FAM204A: variants seen among roughly 807,000 people sequenced by gnomAD.
The protein encoded by FAM204A is protein FAM204A.
In FAM204A, 16 loss-of-function variants were observed where a neutral mutation model predicts 35.4. That is an observed-to-expected ratio of 0.45 (90% confidence interval 0.31 to 0.69). The LOEUF (loss-of-function observed/expected upper bound fraction) is 0.69. FAM204A is among the 30% of genes least tolerant of loss of function. The pLI, the probability that FAM204A is intolerant of heterozygous loss-of-function variation, is 0.07. For synonymous variants in FAM204A, 76 were observed against 86.9 expected (o/e 0.88, Z 0.70); for missense variants, 240 against 265.7 (o/e 0.90, Z 0.67).
Position 118,321,724 on chromosome 10 carries a change from C to CAAAAA in FAM204A, c.543+4425_543+4429dup, listed in dbSNP as rs200200755. Among the ~76,000 whole-genome samples the CAAAAA allele has an allele frequency of 5.8e-3, 505 of 87,138 alleles. 1 individual carries two copies. The highest frequency in any genetic ancestry group is 0.012 in the East Asian group (30 of 2,506). 57.2% of individuals were successfully genotyped at this position (87,138 alleles called of 152,430 possible). On this transcript the variant is annotated intron_variant, in intron 7 of 8. Coordinates refer to ENST00000369183, the MANE Select transcript of FAM204A (RefSeq NM_022063.3). ...TTTCTAAAACTGCAGTATGACAAAG[C>CAAAAA]AAAAAAAAAAAAAAAAAAAAGAATC...
chr10:118,314,232 C>T (rs1333770565), intron 7 of FAM204A, among the ~76,000 whole-genome samples: 3 of 152,082 alleles, frequency 2.0e-5, no homozygotes, highest in Non-Finnish European at 4.4e-5. Context: ...AGACCTGATC[C>T]TATAAAAGGT....
In FAM204A at chr10:118,311,307, C is replaced by T. The variant is rs1845948394; in HGVS notation, c.550G>A (p.Val184Ile). The change falls in exon 8 of 9, where the codon GTA becomes ATA. Residue 184 changes from valine to isoleucine, a missense_variant. Around this residue, in one of 2 missense-constraint regions of FAM204A, gnomAD observed 232 missense variants for 242.8 expected, o/e 0.96. Coordinates refer to ENST00000369183, the MANE Select transcript of FAM204A (RefSeq NM_022063.3). Reference protein sequence around the residue: ...SNQLATRELGVKIAKAVACHN... With the variant: ...SNQLATRELGIKIAKAVACHN... ...CAGGCAACTGCTTTGGCAATTTTTA[C>T]ACCAAGCTAAGAATTACAAAGGAGA... 1.3e-6 allele frequency: 2 copies of T among 1,591,720 alleles called. No homozygotes were observed. The highest frequency in any genetic ancestry group is 8.5e-7 in the Non-Finnish European group (1 of 1,173,638).
intron 8 of FAM204A, 50 bp from the exon 9 acceptor site, chr10:118,310,958 A>G (rs201836979): frequency 6.7e-7 from 1 of 1,482,168 alleles, no homozygotes; most frequent in Admixed American, 2.2e-5. Flanking sequence ...AAAAAAAAAT[A>G]CTTTGCTGAA....
At chr10:118,310,960 T>C in intron 8 of FAM204A, 52 bp from the exon 9 acceptor site, 1 of 1,470,272 alleles carries the variant, frequency 6.8e-7, no homozygotes, top group Non-Finnish European at 9.3e-7. Flanking sequence ...AAAAAAATAC[T>C]TTGCTGAACA....
chr10:118,305,568 T>C lies in FAM204A; in HGVS notation c.*5289A>G, dbSNP rs1845853969. The C allele has an allele frequency of 1.3e-5, 2 of 152,224 alleles. No homozygotes were observed. The highest frequency in any genetic ancestry group is 4.1e-4 in the South Asian group (2 of 4,830). 9.4% of individuals were successfully genotyped at this position (152,224 alleles called of 1,614,324 possible). On this transcript the variant is annotated 3_prime_UTR_variant, in exon 9 of 9. Coordinates refer to ENST00000369183, the MANE Select transcript of FAM204A (RefSeq NM_022063.3). Reference sequence around the variant, plus strand: ...GAAATTCAGCAACCTGTACAGTAAGTATATACTCAGGTAACTAAAATTTTT... The same window carrying C: ...GAAATTCAGCAACCTGTACAGTAAGCATATACTCAGGTAACTAAAATTTTT...
At chr10:118,325,211 A>G (rs1846179432) in intron 7 of FAM204A, among the ~76,000 whole-genome samples, 1 of 152,174 alleles carries the variant, frequency 6.6e-6, no homozygotes, top group African/African-American at 2.4e-5. Flanking sequence ...CACAACAAAC[A>G]TCCATCCACA....
chr10:118,319,508 C>T (rs900799677), intron 7 of FAM204A, among the ~76,000 whole-genome samples: 3 of 151,910 alleles, frequency 2.0e-5, no homozygotes, highest in African/African-American at 7.2e-5. Flanking sequence ...ACAACACTTA[C>T]ATCTATAAAG....
At position 118,335,208 on chromosome 10, in the gene FAM204A, G is replaced by T. The variant is rs370791932; in HGVS notation, c.359C>A (p.Pro120Gln). ...LKNEKELHSE[P>Q]SSNETQWKEL... The stretch of plus-strand genomic sequence containing the variant: ...TTTCCACTGGGTTTCATTTGAGGAC[G>T]GTTCACTAAAAGAAGATAGTAAGTT... Residue 120 changes from proline (P) to glutamine (Q), a missense_variant, in exon 6 of 9, where the codon CCG becomes CAG. Around this residue, in one of 2 missense-constraint regions of FAM204A, gnomAD observed 232 missense variants for 242.8 expected, o/e 0.96. Transcript: ENST00000369183. The T allele has an allele frequency of 1.9e-6, 3 of 1,612,034 alleles. No individual in the cohort carries two copies. The highest frequency in any genetic ancestry group is 2.5e-6 in the Non-Finnish European group (3 of 1,179,108).
chr10:118,335,971 T>C (rs965073374), intron 3 of FAM204A: 1 of 577,788 alleles, frequency 1.7e-6, no homozygotes, highest in South Asian at 3.0e-5. Context: ...GGGTTTTTTT[T>C]TTTTCCCCCT....
intron 8 of FAM204A, 40 bp from the exon 9 acceptor site, chr10:118,310,948 A>G: frequency 6.5e-7 from 1 of 1,531,222 alleles, no homozygotes; most frequent in Non-Finnish European, 8.8e-7. Context: ...TATTTCTTAA[A>G]AAAAAAAATA....
chr10:118,318,937 T>C (rs1846071264), intron 7 of FAM204A, among the ~76,000 whole-genome samples: 1 of 151,820 alleles, frequency 6.6e-6, no homozygotes, highest in African/African-American at 2.4e-5. Flanking sequence ...TTTTTTTTTT[T>C]TTCCCAGGGG....
rs1455886882 is a variant in FAM204A at position 118,299,373 on chromosome 10, C to T, written c.*11484G>A. 1 of 142,110 alleles carries T rather than the reference C, an allele frequency of 7.0e-6. No individual in the cohort carries two copies. Among genetic ancestry groups the T allele is most frequent in the Non-Finnish European group, 1.5e-5 (1 of 65,356 alleles). 8.8% of individuals were successfully genotyped at this position (142,110 alleles called of 1,614,324 possible). ...ATGATTTGGTTTTGGAAAACCTCCTCCTTTCTGCTTCCAGAAGGTTTTTTT... is the reference window on the plus strand; with the variant it reads ...ATGATTTGGTTTTGGAAAACCTCCTTCTTTCTGCTTCCAGAAGGTTTTTTT... On this transcript the variant is annotated 3_prime_UTR_variant, in exon 9 of 9. Transcript: ENST00000369183.
intron 7 of FAM204A, among the ~76,000 whole-genome samples, chr10:118,315,763 C>A (rs1846021121): frequency 6.6e-6 from 1 of 152,112 alleles, no homozygotes; most frequent in Admixed American, 6.6e-5. Context: ...ATCAAGCCTG[C>A]AAACAGCTTA....
chr10:118,336,457 A>C, intron 2 of FAM204A, 34 bp from the exon 3 acceptor site: 1 of 1,536,140 alleles, frequency 6.5e-7, no homozygotes, highest in Non-Finnish European at 8.8e-7. Context: ...CACATGTAGA[A>C]TAACCATAGA....
At chr10:118,319,001 A>G (rs1846072165) in intron 7 of FAM204A, among the ~76,000 whole-genome samples, 1 of 151,896 alleles carries the variant, frequency 6.6e-6, no homozygotes, top group African/African-American at 2.4e-5. Context: ...CATCTACATA[A>G]AACTAATAAC....
chr10:118,312,345 A>G (rs1376094837), intron 7 of FAM204A, among the ~76,000 whole-genome samples: 1 of 152,200 alleles, frequency 6.6e-6, no homozygotes, highest in Admixed American at 6.5e-5. Context: ...AAGCCACTCT[A>G]AAGTCAACAG....
At position 118,311,224 on chromosome 10, in the gene FAM204A, C is replaced by T; in HGVS notation, c.633G>A (p.Lys211=). The T allele has an allele frequency of 6.2e-7, 1 of 1,610,018 alleles. No homozygotes were observed. Among genetic ancestry groups the T allele is most frequent in the Admixed American group, 1.7e-5 (1 of 59,030 alleles). ...AAACTCACCCCCATGCAAGTTTCTT[C>T]TTTTTTCGGGCAGCCTGTGAATTTT... ...EVENSQAARK[K]KKLAWGFEAK... Residue 211 remains lysine, a synonymous_variant, in exon 8 of 9, where the codon AAG becomes AAA. Coordinates refer to ENST00000369183, the MANE Select transcript of FAM204A (RefSeq NM_022063.3).
intron 7 of FAM204A, among the ~76,000 whole-genome samples, chr10:118,319,659 T>G (rs573833282): frequency 3.9e-5 from 6 of 151,994 alleles, no homozygotes; most frequent in Non-Finnish European, 8.8e-5. Context: ...AAAAATGAGC[T>G]TTCATATATG....
intron 2 of FAM204A, among the ~76,000 whole-genome samples, chr10:118,338,939 A>T (rs574267992): frequency 2.0e-5 from 3 of 152,326 alleles, no homozygotes; most frequent in Non-Finnish European, 4.4e-5. Context: ...TCAAAATTAT[A>T]TATTTTTAGC....
Sources: gnomAD v4.1 joint callset for allele counts (sites outside exome capture counted in the v4.1 genomes callset) on GRCh38, gnomAD v4.1.1 for gene constraint, gnomAD v4.1.1 regional missense constraint, MANE v1.5 for transcripts, NCBI Gene and HGNC (gene_info 2026-07-23, HGNC 2026-07-21) for gene names.